The following KDM4B variants were observed in gnomAD, a reference collection of about 807,000 sequenced individuals.
The protein encoded by KDM4B is lysine-specific demethylase 4B.
KDM4B carries 32 observed loss-of-function variants against 125.2 expected under a neutral mutation model. That is an observed-to-expected ratio of 0.26 (90% confidence interval 0.19 to 0.34). The LOEUF is 0.34. Among genes scored for constraint, KDM4B ranks in the 10% least tolerant of loss-of-function variants. The probability of loss-of-function intolerance (pLI) is 1.00; values close to 1 mark genes in which losing one functional copy is unlikely to be tolerated. For synonymous variants in KDM4B, 721 were observed against 677.9 expected, an observed-to-expected ratio of 1.06 and a Z score of -0.99; for missense variants, 1,190 against 1,577.7, an observed-to-expected ratio of 0.75 and a Z score of 4.16.
At chr19:5,146,804 G>A (rs988906007) in intron 21 of KDM4B, among the ~76,000 whole-genome samples, 7 of 132,832 alleles carry the variant, frequency 5.3e-5, no homozygotes, top group Non-Finnish European at 1.1e-4. Context: ...AGCTGGGCAT[G>A]GTAGTGTGCG....
chr19:4,996,143 C>T (rs758146739), intron 1 of KDM4B, among the ~76,000 whole-genome samples: 9 of 152,244 alleles, frequency 5.9e-5, no homozygotes, highest in Non-Finnish European at 8.8e-5. Flanking sequence ...GCATGTGCCA[C>T]GACGCCTGGC....
At chr19:5,034,194 C>T (rs759071173) in intron 3 of KDM4B, among the ~76,000 whole-genome samples, 8 of 152,334 alleles carry the variant, frequency 5.3e-5, no homozygotes, top group Admixed American at 1.3e-4. Flanking sequence ...AGGTGGCTGC[C>T]GTGGTCCGTG....
At chr19:5,133,338 C>T (rs1321764336) in intron 13 of KDM4B, among the ~76,000 whole-genome samples, 1 of 152,180 alleles carries the variant, frequency 6.6e-6, no homozygotes, top group African/African-American at 2.4e-5. Flanking sequence ...GCCCTGGTCA[C>T]GGCCCCTCCT....
chr19:5,136,117 G>T (rs975200095), intron 15 of KDM4B, among the ~76,000 whole-genome samples: 3 of 152,232 alleles, frequency 2.0e-5, no homozygotes, highest in Non-Finnish European at 4.4e-5. Context: ...CTCCTCACTG[G>T]CCCTCTGGAC....
At chr19:5,011,261 G>A (rs142410026) in intron 1 of KDM4B, among the ~76,000 whole-genome samples, 54 of 152,328 alleles carry the variant, frequency 3.5e-4, no homozygotes, top group African/African-American at 1.3e-3. Flanking sequence ...CTGGGTGCTG[G>A]CCGTGCTCGA....
Position 5,152,221 on chromosome 19 carries a change from C to T in KDM4B, c.*710C>T, listed in dbSNP as rs2039961094. The T allele has an allele frequency of 6.6e-6, 1 of 152,262 alleles. No individual in the cohort carries two copies. The highest frequency in any genetic ancestry group is 2.1e-4 in the South Asian group (1 of 4,836). The allele number at this position is 152,262 out of a possible 1,614,324, so 9.4% of individuals were successfully genotyped here. ...GGTCTGGTGCCAGTGCCTGTGCCCA[C>T]TCTGTGCCTGCTGGGAGGAGGCCCA... On this transcript the variant is annotated 3_prime_UTR_variant, in exon 23 of 23. Transcript: ENST00000159111.
chr19:4,993,617 TG>T (rs963473426), intron 1 of KDM4B, among the ~76,000 whole-genome samples: 2 of 152,062 alleles, frequency 1.3e-5, no homozygotes, highest in African/African-American at 4.8e-5. Context: ...CTTTTTTGTT[TG>T]TTTTTTTTTT....
chr19:5,135,422 G>C lies in KDM4B; in HGVS notation c.2169G>C (p.Lys723Asn), dbSNP rs370301157. ...PATLPSKSRQ[K>N]TRPLIPEMCF... The stretch of plus-strand genomic sequence containing the variant: ...CATTACCCTCCAAAAGCCGTCAGAA[G>C]ACCCGACCGCTCATCCCTGAGATGT... The change falls in exon 15 of 23, where the codon AAG (lysine) becomes AAC (asparagine). Residue 723 changes from lysine (K) to asparagine (N), a missense_variant. Lys to Asn is a moderately conservative substitution (Grantham distance 94, BLOSUM62 0). This residue lies in a region of KDM4B where 128 missense variants were observed against 137.8 expected (regional missense o/e 0.93). Transcript: ENST00000159111. The C allele has an allele frequency of 2.5e-6, 4 of 1,613,540 alleles. No homozygotes were observed. Among genetic ancestry groups the C allele is most frequent in the Non-Finnish European group, 2.5e-6 (3 of 1,180,000 alleles).
At chr19:4,976,095 C>T (rs1238479318) in intron 1 of KDM4B, among the ~76,000 whole-genome samples, 1 of 151,180 alleles carries the variant, frequency 6.6e-6, no homozygotes, top group East Asian at 2.0e-4. Context: ...ACTAAAAATA[C>T]AAAATTAGTT....
In KDM4B at chr19:5,071,041, C is replaced by T. The variant is rs2037931396; in HGVS notation, c.658C>T (p.Leu220=). The part of the protein sequence containing the change: ...YAIPPEHGKR[L]ERLAIGFFPG... ...CATCCCACCAGAGCACGGCAAGCGC[C>T]TGGAGCGGCTGGCCATCGGTAGGTG... Residue 220 remains leucine, a synonymous_variant, in exon 7 of 23, where the codon CTG becomes TTG. Transcript: ENST00000159111. 3.1e-6 allele frequency: 5 copies of T among 1,613,244 alleles called. No homozygotes were observed. Among genetic ancestry groups the T allele is most frequent in the Admixed American group, 3.3e-5 (2 of 59,998 alleles).
intron 1 of KDM4B, among the ~76,000 whole-genome samples, chr19:4,992,236 G>A (rs2035053617): frequency 6.6e-6 from 1 of 152,080 alleles, no homozygotes; most frequent in Non-Finnish European, 1.5e-5. Flanking sequence ...TCAAGGGACC[G>A]ACTTTTGGTT....
chr19:5,001,520 C>G (rs547541926), intron 1 of KDM4B, among the ~76,000 whole-genome samples: 2 of 152,196 alleles, frequency 1.3e-5, no homozygotes, highest in East Asian at 1.9e-4. Context: ...CAGGCTCTTA[C>G]GGTGGCGAAC....
rs1271232970 is a variant in KDM4B, at chr19:5,115,731, C to T, written c.1116-3922C>T. On this transcript the variant is annotated intron_variant, in intron 10 of 22. Transcript: ENST00000159111. The surrounding 1 kb of genome is among the most constrained non-coding windows in gnomAD (Gnocchi z 4.2). ...GGACTTTGCATTATGGAAAAAGAGC[C>T]ATTGCTGTGAAGAAGAAACATTCCA... Among the ~76,000 whole-genome samples, 1 of 152,208 alleles carries T rather than the reference C, an allele frequency of 6.6e-6. No homozygotes were observed. The highest frequency in any genetic ancestry group is 1.5e-5 in the Non-Finnish European group (1 of 68,038).
intron 3 of KDM4B, among the ~76,000 whole-genome samples, 161 bp downstream of exon 3, chr19:5,033,192 G>T (rs1181336307): frequency 2.6e-5 from 4 of 152,246 alleles, no homozygotes; most frequent in African/African-American, 9.6e-5. Context: ...TGTTTGTGGA[G>T]TTCCAACAAT....
intron 9 of KDM4B, among the ~76,000 whole-genome samples, chr19:5,100,944 G>A (rs1010267783): frequency 2.6e-5 from 4 of 152,086 alleles, no homozygotes; most frequent in Non-Finnish European, 4.4e-5. Context: ...TCTCTGGCTG[G>A]ACACGGTGGC....
chr19:5,048,563 T>A (rs1421549561), intron 6 of KDM4B, among the ~76,000 whole-genome samples: 1 of 147,532 alleles, frequency 6.8e-6, no homozygotes, highest in African/African-American at 2.5e-5. Flanking sequence ...AGCTCCGCCT[T>A]GCCTGGCCCT....
intron 1 of KDM4B, among the ~76,000 whole-genome samples, chr19:4,982,348 A>C (rs1375267983): frequency 6.8e-6 from 1 of 146,584 alleles, no homozygotes; most frequent in Non-Finnish European, 1.5e-5. Context: ...GCTACTCAGG[A>C]GGCTGAGGTA....
In KDM4B at chr19:5,142,614, C is replaced by T. The variant is rs1047369619; in HGVS notation, c.2551-1353C>T. 4.6e-5 allele frequency among the ~76,000 whole-genome samples: 7 copies of T among 152,028 alleles called. No homozygotes were observed. The highest frequency in any genetic ancestry group is 4.6e-4 in the Admixed American group (7 of 15,278). On this transcript the variant is annotated intron_variant, in intron 18 of 22. Coordinates refer to ENST00000159111, the MANE Select transcript of KDM4B (RefSeq NM_015015.3). The surrounding 1 kb of genome is among the most constrained non-coding windows in gnomAD (Gnocchi z 5.4). ...GGGTGACGTGTTCAAGACGGCTCAGCAACCCCACCTGACAGTGTCCAGGTG... is the reference window on the plus strand; with the variant it reads ...GGGTGACGTGTTCAAGACGGCTCAGTAACCCCACCTGACAGTGTCCAGGTG...
At chr19:4,991,295 T>G (rs1282467557) in intron 1 of KDM4B, among the ~76,000 whole-genome samples, 2 of 151,556 alleles carry the variant, frequency 1.3e-5, no homozygotes, top group African/African-American at 2.4e-5. Context: ...GCCCTCATAT[T>G]ATTTTTGTTA....
Sources: gnomAD v4.1 joint callset for allele counts (sites outside exome capture counted in the v4.1 genomes callset) on GRCh38, gnomAD v4.1.1 for gene constraint, gnomAD v4.1.1 regional missense constraint, Gnocchi (gnomAD v3.1) non-coding constraint, MANE v1.5 for transcripts, NCBI Gene and HGNC (gene_info 2026-07-23, HGNC 2026-07-21) for gene names.